Variants in UXS1 observed in about 807,000 individuals in gnomAD.
UXS1 encodes UDP-glucuronate decarboxylase 1.
A neutral mutation model predicts 62.6 loss-of-function variants in UXS1; 33 were observed. The ratio of observed to expected loss-of-function variants is 0.53; its 90% confidence interval spans 0.40 to 0.70. UXS1 has a LOEUF of 0.70. UXS1 is among the 30% of genes least tolerant of loss of function. The pLI is 0.00. For missense variants in UXS1, 434 were observed against 556.3 expected (o/e 0.78, Z 2.21); for synonymous variants, 213 against 206.8 (o/e 1.03, Z -0.26).
chr2:106,131,124 C>T (rs1364344595), intron 6 of UXS1, among the ~76,000 whole-genome samples: 3 of 147,874 alleles, frequency 2.0e-5, no homozygotes, highest in Non-Finnish European at 3.0e-5. Context: ...GTTCCCTTTC[C>T]GAGTCAAAGA....
chr2:106,107,936 C>T (rs1035482511), intron 10 of UXS1, among the ~76,000 whole-genome samples: 1 of 152,214 alleles, frequency 6.6e-6, no homozygotes, highest in African/African-American at 2.4e-5. Context: ...AGGAAATAGT[C>T]CCTAGTACAA....
chr2:106,153,531 CAAAT>C (rs528870625), intron 5 of UXS1, among the ~76,000 whole-genome samples: 5 of 151,690 alleles, frequency 3.3e-5, no homozygotes, highest in African/African-American at 1.2e-4. Context: ...AGTCACTAAA[CAAAT>C]AAATAAATAA....
chr2:106,180,863 A>G (rs1432982472), intron 1 of UXS1, among the ~76,000 whole-genome samples: 4 of 152,228 alleles, frequency 2.6e-5, no homozygotes, highest in African/African-American at 4.8e-5. Flanking sequence ...GCAAATATCA[A>G]TGATGCCTGG....
At chr2:106,099,568 C>G (rs146459562) in intron 12 of UXS1, among the ~76,000 whole-genome samples, 129 of 152,288 alleles carry the variant, frequency 8.5e-4, no homozygotes, top group Middle Eastern at 3.4e-3. Context: ...GAAAGTGATT[C>G]TGCCTTTCTC....
At chr2:106,143,390 C>G (rs1004183794) in intron 6 of UXS1, among the ~76,000 whole-genome samples, 8 of 94,046 alleles carry the variant, frequency 8.5e-5, no homozygotes, top group Admixed American at 1.8e-4. Context: ...GCCTGGGCAA[C>G]AGAGAGAGAC....
At chr2:106,151,925 T>C (rs929671931) in intron 5 of UXS1, among the ~76,000 whole-genome samples, 196 of 152,160 alleles carry the variant, frequency 1.3e-3, no homozygotes, top group Non-Finnish European at 2.4e-4. Flanking sequence ...CTAATATCGA[T>C]TCAGGAGTGA....
At chr2:106,097,995 G>C (rs1166845203) in intron 13 of UXS1, among the ~76,000 whole-genome samples, 1 of 152,228 alleles carries the variant, frequency 6.6e-6, no homozygotes, top group Non-Finnish European at 1.5e-5. Flanking sequence ...CACACTGGAG[G>C]AATTAACCCA....
At chr2:106,109,942 A>G (rs925973977) in intron 10 of UXS1, among the ~76,000 whole-genome samples, 4 of 152,214 alleles carry the variant, frequency 2.6e-5, no homozygotes, top group Non-Finnish European at 1.5e-5. Context: ...AAATAGGTGG[A>G]CACACCTCCT....
In UXS1 at chr2:106,125,772, G is replaced by A. The variant is rs1216417005; in HGVS notation, c.578-93C>T. The A allele has an allele frequency of 7.4e-6, 8 of 1,088,070 alleles. 1 individual carries two copies. The highest frequency in any genetic ancestry group is 4.1e-4 in the Middle Eastern group (2 of 4,876). 67.4% of individuals were successfully genotyped at this position (1,088,070 alleles called of 1,614,324 possible). A position where few individuals can be genotyped will look rare whatever the true frequency, so the allele number is the denominator to read the frequency against. On this transcript the variant is annotated intron_variant, in intron 7 of 14. Transcript: ENST00000283148. Reference sequence around the variant, plus strand: ...ATTTAAGCAATGTTTTAGTATTAAAGACATTTAATTATCTATCCAATTATC... The same window carrying A: ...ATTTAAGCAATGTTTTAGTATTAAAAACATTTAATTATCTATCCAATTATC...
At chr2:106,110,482 T>C (rs1221743539) in intron 10 of UXS1, among the ~76,000 whole-genome samples, 1 of 152,192 alleles carries the variant, frequency 6.6e-6, no homozygotes, top group Non-Finnish European at 1.5e-5. Flanking sequence ...AAGGAGTTTC[T>C]GAACACAGTT....
chr2:106,153,410 T>A (rs1305551029), intron 5 of UXS1, among the ~76,000 whole-genome samples: 1 of 152,118 alleles, frequency 6.6e-6, no homozygotes, highest in Non-Finnish European at 1.5e-5. Context: ...AGACCCACCA[T>A]CATCCCAGGG....
At chr2:106,101,303 A>G in intron 11 of UXS1, 185 bp from the exon 12 acceptor site, 1 of 598,444 alleles carries the variant, frequency 1.7e-6, no homozygotes. Context: ...GAAAGTATTT[A>G]TGGATGAAAT....
intron 5 of UXS1, among the ~76,000 whole-genome samples, chr2:106,156,330 A>G (rs1365029056): frequency 6.6e-6 from 1 of 152,232 alleles, no homozygotes; most frequent in Admixed American, 6.5e-5. Context: ...TCCAAACCAC[A>G]AAAAGATATC....
intron 1 of UXS1, among the ~76,000 whole-genome samples, chr2:106,189,894 G>A (rs1041298243): frequency 1.3e-5 from 2 of 152,228 alleles, no homozygotes; most frequent in Non-Finnish European, 2.9e-5. Flanking sequence ...AAACCAGGGA[G>A]TGAAACAAGA....
chr2:106,170,191 T>C (rs1188412224), intron 1 of UXS1, among the ~76,000 whole-genome samples: 1 of 152,180 alleles, frequency 6.6e-6, no homozygotes, highest in Non-Finnish European at 1.5e-5. Flanking sequence ...ACTCTCCACC[T>C]TCCCTAAACC....
At chr2:106,153,866 C>T (rs968738314) in intron 5 of UXS1, among the ~76,000 whole-genome samples, 5 of 152,130 alleles carry the variant, frequency 3.3e-5, no homozygotes, top group Non-Finnish European at 5.9e-5. Flanking sequence ...TAAAGAAGTA[C>T]ATAGATAATA....
chr2:106,098,644 C>G lies in UXS1; in HGVS notation c.1042+72G>C, dbSNP rs1677322887. On this transcript the variant is annotated intron_variant, in intron 13 of 14. Coordinates refer to ENST00000283148, the MANE Select transcript of UXS1 (RefSeq NM_001253875.2). The stretch of plus-strand genomic sequence containing the variant: ...TTAGCTTGTATTAATTACCCACTTT[C>G]TAGTCAAGGTGTTATTAACAGATAG... 6 of 1,278,444 alleles carry G rather than the reference C, an allele frequency of 4.7e-6. No homozygotes were observed. The African/African-American group carries it at 5.9e-5, about 13-fold the overall frequency. The allele number at this position is 1,278,444 out of a possible 1,614,324, so 79.2% of individuals were successfully genotyped here. A position where few individuals can be genotyped will look rare whatever the true frequency, so the allele number is the denominator to read the frequency against.
chr2:106,111,706 A>T (rs1041715597), intron 10 of UXS1, among the ~76,000 whole-genome samples: 3 of 152,210 alleles, frequency 2.0e-5, no homozygotes, highest in Admixed American at 1.3e-4. Context: ...AACGTGATCA[A>T]CCAATCAATG....
At chr2:106,192,225 C>T (rs1042077017) in intron 1 of UXS1, among the ~76,000 whole-genome samples, 13 of 152,226 alleles carry the variant, frequency 8.5e-5, no homozygotes, top group Non-Finnish European at 5.9e-5. Flanking sequence ...ACAGTAAGGA[C>T]TTGGTAAGAT....
Sources: gnomAD v4.1 joint callset for allele counts (sites outside exome capture counted in the v4.1 genomes callset) on GRCh38, gnomAD v4.1.1 for gene constraint, MANE v1.5 for transcripts, NCBI Gene and HGNC (gene_info 2026-07-23, HGNC 2026-07-21) for gene names.